Variants in SYNE1 observed in about 807,000 individuals in gnomAD.
SYNE1 encodes spectrin repeat containing nuclear envelope protein 1.
In SYNE1, 616 loss-of-function variants were observed where a neutral mutation model predicts 1,111.0. The observed-to-expected ratio is 0.55, with a 90% CI of 0.52 to 0.59. SYNE1 has a LOEUF of 0.59. Among genes scored for constraint, SYNE1 ranks in the 20% least tolerant of loss-of-function variants. The probability of loss-of-function intolerance (pLI) is 0.00; values close to 1 mark genes in which losing one functional copy is unlikely to be tolerated. For synonymous variants in SYNE1, 3,855 were observed against 3,825.8 expected (o/e 1.01, Z -0.28); for missense variants, 10,006 against 10,417.0 (o/e 0.96, Z 1.72).
intron 134 of SYNE1, 94 bp from the exon 135 acceptor site, chr6:152,151,784 G>T: frequency 6.5e-7 from 1 of 1,542,728 alleles, no homozygotes; most frequent in Non-Finnish European, 8.8e-7. Context: ...GTTCTGTAAA[G>T]TCATTTTCTC....
intron 28 of SYNE1, among the ~76,000 whole-genome samples, chr6:152,448,021 C>G (rs1008033226): frequency 6.6e-6 from 1 of 152,072 alleles, no homozygotes; most frequent in Non-Finnish European, 1.5e-5. Context: ...AATGAAAGTT[C>G]TTTTTTTCAA....
In SYNE1 at chr6:152,636,812, A is replaced by G. The variant is rs549397298; in HGVS notation, c.-391-7T>C. The G allele has an allele frequency of 9.9e-5, 15 of 152,278 alleles. No homozygotes were observed. Among genetic ancestry groups the G allele is most frequent in the African/African-American group, 3.6e-4 (15 of 41,558 alleles). 9.4% of individuals were successfully genotyped at this position (152,278 alleles called of 1,614,324 possible). On this transcript the variant is annotated splice_polypyrimidine_tract_variant and splice_region_variant and intron_variant, in intron 1 of 145. Transcript: ENST00000367255. ...CTGCGGGAGCCCAGCCGCCCTGGTG[A>G]CAGAGGACAACAATCTCAGCCCGCT...
Position 152,471,060 on chromosome 6 carries a change from G to T in SYNE1, c.1632+537C>A, listed in dbSNP as rs371221822. Among the ~76,000 whole-genome samples the T allele has an allele frequency of 8.5e-5, 13 of 152,066 alleles. No individual in the cohort carries two copies. The South Asian group carries it at 2.3e-3, about 27-fold the overall frequency. On this transcript the variant is annotated intron_variant, in intron 16 of 145. Transcript: ENST00000367255. ...TGAGATAATCCTTAAAAATTAAGTTGGTACAGAGATTCATAGATAAAATGT... is the reference window on the plus strand; with the variant it reads ...TGAGATAATCCTTAAAAATTAAGTTTGTACAGAGATTCATAGATAAAATGT...
At position 152,136,713 on chromosome 6, in the gene SYNE1, C is replaced by A. The variant is rs2057168586; in HGVS notation, c.25564G>T (p.Asp8522Tyr). The change falls in exon 141 of 146, where the codon GAT becomes TAT. Residue 8522 changes from aspartate (D) to tyrosine (Y), a missense_variant. This residue lies in a region of SYNE1 where 761 missense variants were observed against 795.5 expected (regional missense o/e 0.96). Transcript: ENST00000367255. ...ADSKESRDLQ[D>Y]RLSQMNGRWD... ...CGCCCATTCATCTGCGACAAGCGATCCTGCAGGTCCCGGCTCTCCTTGCTG... is the reference window on the plus strand; with the variant it reads ...CGCCCATTCATCTGCGACAAGCGATACTGCAGGTCCCGGCTCTCCTTGCTG... The A allele has an allele frequency of 6.2e-7, 1 of 1,614,238 alleles. No homozygotes were observed. Among genetic ancestry groups the A allele is most frequent in the East Asian group, 2.2e-5 (1 of 44,876 alleles).
chr6:152,122,713 C>A, intron 145 of SYNE1, 37 bp from the exon 146 acceptor site: 3 of 1,612,800 alleles, frequency 1.9e-6, no homozygotes, highest in Non-Finnish European at 2.5e-6. Context: ...TCAGATAACT[C>A]CAGTGTCGGA....
chr6:152,308,600 T>C lies in SYNE1; in HGVS notation c.17235A>G (p.Gln5745=). ...EAVVQYEQYE[Q]EMKHLQQLIE... is the part of the protein sequence containing the mutation. The stretch of plus-strand genomic sequence containing the variant: ...TCAGTTGCTGGAGATGTTTCATTTC[T>C]TGCTCATATTGTTCATATTGTACCA... Residue 5745 remains glutamine, a synonymous_variant, in exon 91 of 146, where the codon CAA becomes CAG. Transcript: ENST00000367255. The C allele has an allele frequency of 6.2e-7, 1 of 1,613,578 alleles. No homozygotes were observed. Among genetic ancestry groups the C allele is most frequent in the Non-Finnish European group, 8.5e-7 (1 of 1,179,984 alleles).
At chr6:152,375,675 C>T (rs1345918203) in intron 58 of SYNE1, among the ~76,000 whole-genome samples, 1 of 152,212 alleles carries the variant, frequency 6.6e-6, no homozygotes, top group Non-Finnish European at 1.5e-5. Context: ...TGTGACCTCA[C>T]TGACGCTTTT....
At chr6:152,296,039 A>G (rs2094863665) in intron 93 of SYNE1, among the ~76,000 whole-genome samples, 2 of 152,088 alleles carry the variant, frequency 1.3e-5, no homozygotes, top group East Asian at 3.9e-4. Flanking sequence ...TCATAATCCA[A>G]CTTCTGAAAG....
chr6:152,344,033 G>T (rs746180839), intron 74 of SYNE1, 48 bp downstream of exon 74: 2 of 1,611,936 alleles, frequency 1.2e-6, no homozygotes, highest in South Asian at 1.1e-5. Context: ...TTTCACTGAC[G>T]CTCTGAATGA....
intron 6 of SYNE1, among the ~76,000 whole-genome samples, 199 bp downstream of exon 6, chr6:152,520,260 A>G (rs1169549157): frequency 6.6e-6 from 1 of 152,182 alleles, no homozygotes; most frequent in African/African-American, 2.4e-5. Context: ...AGACACTGAA[A>G]TGAACTGTAG....
At chr6:152,285,906 G>C (rs1435665918) in intron 95 of SYNE1, among the ~76,000 whole-genome samples, 2 of 152,084 alleles carry the variant, frequency 1.3e-5, no homozygotes, top group African/African-American at 4.8e-5. Context: ...CAATGAAGTT[G>C]GAAAAACAGG....
At chr6:152,540,063 A>T in intron 3 of SYNE1, 42 bp from the exon 4 acceptor site, 2 of 1,586,162 alleles carry the variant, frequency 1.3e-6, no homozygotes, top group South Asian at 1.1e-5. Context: ...GTAATATTTC[A>T]TGAAGCTGTA....
At chr6:152,494,464 C>T (rs1321407642) in intron 11 of SYNE1, among the ~76,000 whole-genome samples, 1 of 152,282 alleles carries the variant, frequency 6.6e-6, no homozygotes, top group African/African-American at 2.4e-5. Flanking sequence ...TTATTGATGG[C>T]AGTTCCACCA....
intron 98 of SYNE1, among the ~76,000 whole-genome samples, chr6:152,276,878 CTTTTT>C (rs539497198): frequency 2.0e-5 from 2 of 102,136 alleles, no homozygotes; most frequent in African/African-American, 4.0e-5. Context: ...ACTCTGCACT[CTTTTT>C]TTTTTTTTTT....
At chr6:152,636,843 C>G (rs535234724) in intron 1 of SYNE1, 38 bp from the exon 2 acceptor site, 1 of 152,506 alleles carries the variant, frequency 6.6e-6, no homozygotes, top group South Asian at 2.1e-4. Flanking sequence ...CCGCTGCGGC[C>G]GGCGGCCGCG....
At chr6:152,169,561 C>CAAAA (rs371955068) in intron 130 of SYNE1, among the ~76,000 whole-genome samples, 2 of 18,096 alleles carry the variant, frequency 1.1e-4, no homozygotes, top group Admixed American at 1.2e-3. Context: ...GACTCCATCT[C>CAAAA]AAAAAAAAAA....
intron 14 of SYNE1, among the ~76,000 whole-genome samples, chr6:152,477,157 G>T (rs192060179): frequency 7.9e-4 from 120 of 152,184 alleles, no homozygotes; most frequent in Non-Finnish European, 1.2e-3. Flanking sequence ...GCCTGAATAT[G>T]GGGAGACAAC....
intron 87 of SYNE1, chr6:152,315,202 T>C (rs868000638): frequency 7.9e-6 from 1 of 126,408 alleles, no homozygotes; most frequent in Non-Finnish European, 1.6e-5. Flanking sequence ...AGTAACTTTT[T>C]TTTTTTTTTT....
chr6:152,370,014 C>CA (rs1030185239), intron 59 of SYNE1, among the ~76,000 whole-genome samples: 44 of 118,508 alleles, frequency 3.7e-4, no homozygotes, highest in Non-Finnish European at 3.1e-4. Flanking sequence ...AAAAATTCCA[C>CA]AAAAAAAAAA....
Sources: gnomAD v4.1 joint callset for allele counts (sites outside exome capture counted in the v4.1 genomes callset) on GRCh38, gnomAD v4.1.1 for gene constraint, gnomAD v4.1.1 regional missense constraint, MANE v1.5 for transcripts, NCBI Gene and HGNC (gene_info 2026-07-23, HGNC 2026-07-21) for gene names.